SVOPL: variants seen among roughly 807,000 people sequenced by gnomAD.
SVOPL encodes SVOP like, also known as putative transporter SVOPL.
A neutral mutation model predicts 61.0 loss-of-function variants in SVOPL; 60 were observed. That is an observed-to-expected ratio of 0.98 (90% CI 0.80 to 1.22). The LOEUF (loss-of-function observed/expected upper bound fraction) is 1.22, where lower values mean the gene tolerates loss of function less well. Ranked by LOEUF, SVOPL falls within the 50% of genes most tolerant of loss-of-function variation. The probability of loss-of-function intolerance (pLI) is 0.00; values close to 1 mark genes in which losing one functional copy is unlikely to be tolerated. For missense variants in SVOPL, 662 were observed against 643.9 expected (o/e 1.03, Z -0.30); for synonymous variants, 279 against 250.0 (o/e 1.12, Z -1.09).
At chr7:138,615,751 C>T (rs62485301) in intron 14 of SVOPL, among the ~76,000 whole-genome samples, 2 of 33,734 alleles carry the variant, frequency 5.9e-5, no homozygotes, top group African/African-American at 5.2e-5. Flanking sequence ...GCCGACATCA[C>T]ACCACTGCAC....
At chr7:138,639,226 G>T (rs1800654985) in intron 9 of SVOPL, among the ~76,000 whole-genome samples, 1 of 152,066 alleles carries the variant, frequency 6.6e-6, no homozygotes, top group South Asian at 2.1e-4. Context: ...CTGCACTCCA[G>T]CCTGGGCAAC....
At chr7:138,693,787 T>C (rs1206394143) in intron 1 of SVOPL, among the ~76,000 whole-genome samples, 1 of 152,092 alleles carries the variant, frequency 6.6e-6, no homozygotes. Context: ...ATTTTACTAT[T>C]GGATTTGTTG....
intron 13 of SVOPL, among the ~76,000 whole-genome samples, chr7:138,622,210 CTATCTATCTATG>C (rs1563096609): frequency 3.1e-5 from 3 of 97,746 alleles, no homozygotes; most frequent in African/African-American, 7.7e-5. Flanking sequence ...ATGTATCTAT[CTATCTATCTATG>C]TATCTATCTA....
intron 14 of SVOPL, among the ~76,000 whole-genome samples, chr7:138,598,253 T>G (rs1297401997): frequency 6.6e-6 from 1 of 152,176 alleles, no homozygotes; most frequent in African/African-American, 2.4e-5. Context: ...AGACATTACA[T>G]GATGACACAA....
intron 1 of SVOPL, among the ~76,000 whole-genome samples, chr7:138,684,853 A>C (rs1802769558): frequency 6.6e-6 from 1 of 152,224 alleles, no homozygotes; most frequent in Admixed American, 6.5e-5. Flanking sequence ...CCAAAACATA[A>C]AACAACCCAA....
intron 1 of SVOPL, among the ~76,000 whole-genome samples, chr7:138,686,173 T>G (rs555850765): frequency 3.3e-5 from 5 of 151,912 alleles, no homozygotes; most frequent in Non-Finnish European, 7.4e-5. Context: ...GAGGCCGAGG[T>G]GGGTGGATGG....
At chr7:138,670,144 C>T (rs900095864) in intron 4 of SVOPL, among the ~76,000 whole-genome samples, 1 of 152,186 alleles carries the variant, frequency 6.6e-6, no homozygotes, top group Non-Finnish European at 1.5e-5. Flanking sequence ...TCCATTTTGG[C>T]TTTAACTTCC....
chr7:138,697,611 CAA>C lies in SVOPL; in HGVS notation c.-35+3565_-35+3566del, dbSNP rs397890852. Among the ~76,000 whole-genome samples, 145 of 70,532 alleles carry C rather than the reference CAA, an allele frequency of 2.1e-3. 1 individual carries two copies. In the Middle Eastern group the frequency reaches 0.028, roughly 14 times the overall value. The allele number at this position is 70,532 out of a possible 152,430, so 46.3% of individuals were successfully genotyped here. A position where few individuals can be genotyped will look rare whatever the true frequency, so the allele number is the denominator to read the frequency against. On this transcript the variant is annotated intron_variant, in intron 1 of 15. Coordinates refer to ENST00000674285, the MANE Select transcript of SVOPL (RefSeq NM_001139456.2). ...TGGGCAACAGAGGCAGACCCTGCCTCAAAAAAAAAAAAAAAAAAAGAAGAAGA... is the reference window on the plus strand; with the variant it reads ...TGGGCAACAGAGGCAGACCCTGCCTCAAAAAAAAAAAAAAAAAGAAGAAGA...
rs141398137 is a variant in SVOPL, at chr7:138,596,443, T to C, written c.1441A>G (p.Ile481Val). The change falls in exon 15 of 16, where the codon ATC becomes GTC. Residue 481 changes from isoleucine to valine, a missense_variant. Transcript: ENST00000674285. ...TGGAGGGCCCGTCCTTTGGTTTCGA[T>C]GGGGAGAGTGAATGCAGAAATGGCG... Reference protein sequence around the residue: ...VCAISAFTLPIETKGRALQQI... With the variant: ...VCAISAFTLPVETKGRALQQI... The C allele has an allele frequency of 1.7e-4, 268 of 1,613,686 alleles. No individual in the cohort carries two copies. The highest frequency in any genetic ancestry group is 1.6e-4 in the Non-Finnish European group (189 of 1,179,864).
chr7:138,700,759 T>A lies in SVOPL; in HGVS notation c.-35+419A>T, dbSNP rs554163341. Among the ~76,000 whole-genome samples, 131 of 151,978 alleles carry A rather than the reference T, an allele frequency of 8.6e-4. 2 individuals carry two copies. Among genetic ancestry groups the A allele is most frequent in the African/African-American group, 3.0e-3 (126 of 41,390 alleles). ...TAGACCAACTCAGGAAAATAGGGAA[T>A]AACATGGAAAAGAATGCTTCGCGTC... On this transcript the variant is annotated intron_variant, in intron 1 of 15. Coordinates refer to ENST00000674285, the MANE Select transcript of SVOPL (RefSeq NM_001139456.2).
intron 9 of SVOPL, among the ~76,000 whole-genome samples, chr7:138,644,088 C>G (rs1384319372): frequency 1.3e-5 from 2 of 150,022 alleles, no homozygotes; most frequent in Non-Finnish European, 3.0e-5. Context: ...GTAGTCCCAG[C>G]TACTCGGGAG....
intron 1 of SVOPL, chr7:138,688,982 G>A: frequency 3.1e-6 from 2 of 642,444 alleles, no homozygotes; most frequent in Non-Finnish European, 5.9e-6. Flanking sequence ...TCTGTGAAAT[G>A]GTTTGCTATT....
chr7:138,602,744 T>TC (rs1798585024), intron 14 of SVOPL, among the ~76,000 whole-genome samples: 1 of 151,832 alleles, frequency 6.6e-6, no homozygotes, highest in African/African-American at 2.4e-5. Flanking sequence ...CTAACCACAG[T>TC]CCCCTTCTCT....
intron 1 of SVOPL, among the ~76,000 whole-genome samples, chr7:138,687,169 T>G (rs1344515018): frequency 6.6e-6 from 1 of 152,012 alleles, no homozygotes; most frequent in African/African-American, 2.4e-5. Context: ...TCAGACATTG[T>G]TGGAACACCA....
At chr7:138,661,541 T>C in intron 5 of SVOPL, 1 of 985,354 alleles carries the variant, frequency 1.0e-6, no homozygotes, top group Non-Finnish European at 1.2e-6. Context: ...TTACCTTCCC[T>C]GTAGTTTCCA....
intron 9 of SVOPL, among the ~76,000 whole-genome samples, chr7:138,630,550 G>C (rs1462042328): frequency 6.6e-6 from 1 of 152,162 alleles, no homozygotes; most frequent in Admixed American, 6.6e-5. Flanking sequence ...GCATAAAGTT[G>C]AAAAAGGAGA....
chr7:138,605,918 T>C (rs1017665614), intron 14 of SVOPL, among the ~76,000 whole-genome samples: 1 of 152,164 alleles, frequency 6.6e-6, no homozygotes, highest in African/African-American at 2.4e-5. Context: ...TGCAATTCCA[T>C]GTTGGCATCT....
intron 4 of SVOPL, chr7:138,663,469 G>T (rs573016688): frequency 2.5e-6 from 3 of 1,186,594 alleles, no homozygotes; most frequent in Non-Finnish European, 3.1e-6. Context: ...TTTTAAAATT[G>T]TCTGTTCATG....
At chr7:138,623,874 C>T (rs910530078) in intron 13 of SVOPL, among the ~76,000 whole-genome samples, 4 of 152,076 alleles carry the variant, frequency 2.6e-5, no homozygotes, top group Non-Finnish European at 5.9e-5. Flanking sequence ...GGCTGCAGTG[C>T]AGTGGCTCGG....
Sources: allele counts gnomAD v4.1 joint callset (sites outside exome capture counted in the v4.1 genomes callset), GRCh38; gene constraint gnomAD v4.1.1; transcripts MANE v1.5; gene names NCBI Gene and HGNC (gene_info 2026-07-23, HGNC 2026-07-21).